Variants in PLEKHA6 observed in about 807,000 individuals in gnomAD.
PLEKHA6 encodes pleckstrin homology domain-containing family A member 6.
A neutral mutation model predicts 116.7 loss-of-function variants in PLEKHA6; 60 were observed. The ratio of observed to expected loss-of-function variants is 0.51; its 90% CI spans 0.42 to 0.64. The LOEUF (loss-of-function observed/expected upper bound fraction) is 0.64, where lower values mean the gene tolerates loss of function less well. Ranked by LOEUF, PLEKHA6 falls within the 30% of genes least tolerant of loss-of-function variation. The pLI is 0.00. For synonymous variants in PLEKHA6, 489 were observed against 556.1 expected, an observed-to-expected ratio of 0.88 and a Z score of 1.70; for missense variants, 1,338 against 1,422.7, an observed-to-expected ratio of 0.94 and a Z score of 0.96.
intron 17 of PLEKHA6, among the ~76,000 whole-genome samples, chr1:204,241,030 C>G (rs924700374): frequency 1.3e-5 from 2 of 152,212 alleles, no homozygotes; most frequent in African/African-American, 4.8e-5. Flanking sequence ...GGAACTCAGA[C>G]TGGCTCTTCT....
intron 1 of PLEKHA6, among the ~76,000 whole-genome samples, chr1:204,279,871 C>T (rs1668417363): frequency 6.6e-6 from 1 of 152,204 alleles, no homozygotes; most frequent in Admixed American, 6.5e-5. Context: ...ACTTCACCAG[C>T]ACAGACACTA....
chr1:204,351,264 C>T (rs1004007567), intron 1 of PLEKHA6, among the ~76,000 whole-genome samples: 2 of 152,172 alleles, frequency 1.3e-5, no homozygotes, highest in Non-Finnish European at 2.9e-5. Flanking sequence ...GGCCACCTTT[C>T]CCTTTGACAT....
At chr1:204,268,692 C>T (rs1667116473) in intron 3 of PLEKHA6, among the ~76,000 whole-genome samples, 1 of 151,614 alleles carries the variant, frequency 6.6e-6, no homozygotes, top group Non-Finnish European at 1.5e-5. Flanking sequence ...GAAGTTAACT[C>T]CCTGCATCCT....
intron 1 of PLEKHA6, among the ~76,000 whole-genome samples, chr1:204,326,351 A>C (rs545839228): frequency 6.6e-6 from 1 of 152,328 alleles, no homozygotes; most frequent in Non-Finnish European, 1.5e-5. Context: ...CAAATGTTCT[A>C]TCAGTGCCCA....
At chr1:204,307,512 A>C (rs1671428326) in intron 1 of PLEKHA6, 1 of 152,176 alleles carries the variant, frequency 6.6e-6, no homozygotes, top group South Asian at 2.1e-4. Flanking sequence ...TTCCAGGAAG[A>C]CTCTGGTGTC....
chr1:204,245,114 A>G, intron 14 of PLEKHA6, 111 bp from the exon 15 acceptor site: 2 of 752,222 alleles, frequency 2.7e-6, no homozygotes, highest in African/African-American at 1.8e-5. Flanking sequence ...GGGATGTGGA[A>G]GGGCAGATTT....
At chr1:204,357,289 C>T (rs1348907845) in intron 1 of PLEKHA6, among the ~76,000 whole-genome samples, 3 of 152,150 alleles carry the variant, frequency 2.0e-5, no homozygotes, top group Admixed American at 6.5e-5. Flanking sequence ...CTGAGGAAGG[C>T]TCATCTGGAT....
intron 1 of PLEKHA6, among the ~76,000 whole-genome samples, chr1:204,285,443 TTTGTTGTTG>T: frequency 6.6e-6 from 1 of 152,000 alleles, no homozygotes; most frequent in African/African-American, 2.4e-5. Flanking sequence ...TTTTGTTGTT[TTTGTTGTTG>T]TTGTTGGTTT....
In PLEKHA6 at chr1:204,256,797, C is replaced by T. The variant is rs759515750; in HGVS notation, c.1524+556G>A. On this transcript the variant is annotated intron_variant, in intron 9 of 22. Coordinates refer to ENST00000272203, the MANE Select transcript of PLEKHA6 (RefSeq NM_014935.5). ...TGAGACAGGTGGAGGGGAGAAAGGA[C>T]GTACCATCTTATCGTGGACCGTGGG... The T allele has an allele frequency of 1.6e-5, 10 of 619,958 alleles. No individual in the cohort carries two copies. The South Asian group carries it at 1.7e-4, about 10-fold the overall frequency. 38.4% of individuals were successfully genotyped at this position (619,958 alleles called of 1,614,324 possible). A position where few individuals can be genotyped will look rare whatever the true frequency, so the allele number is the denominator to read the frequency against.
intron 1 of PLEKHA6, among the ~76,000 whole-genome samples, chr1:204,337,457 G>A (rs1672689232): frequency 6.6e-6 from 1 of 152,160 alleles, no homozygotes; most frequent in Non-Finnish European, 1.5e-5. Flanking sequence ...TTCTGAATGG[G>A]GCTCCTACAT....
Position 204,316,051 on chromosome 1 carries a change from A to G in PLEKHA6, c.-94-41242T>C, listed in dbSNP as rs1362428514. On this transcript the variant is annotated intron_variant, in intron 1 of 22. Coordinates refer to ENST00000272203, the MANE Select transcript of PLEKHA6 (RefSeq NM_014935.5). ...CATAACTAAATGAAGCTGGACGGGT[A>G]TTTGGGGGCCAGACTGTGGAGTCCC... Among the ~76,000 whole-genome samples, 3 of 152,164 alleles carry G rather than the reference A, an allele frequency of 2.0e-5. No homozygotes were observed. In the East Asian group the frequency reaches 5.8e-4, roughly 29 times the overall value.
intron 1 of PLEKHA6, among the ~76,000 whole-genome samples, chr1:204,298,248 TC>T (rs1474688435): frequency 1.3e-5 from 2 of 152,222 alleles, no homozygotes; most frequent in African/African-American, 4.8e-5. Flanking sequence ...GCCTGAGTCT[TC>T]CTTGTGAGCC....
At position 204,219,574 on chromosome 1, in the gene PLEKHA6, C is replaced by T. The variant is rs917955375; in HGVS notation, c.*3214G>A. ...GACCCCCATCTGGGCTCTGTTCATT[C>T]AGAGCAGGATGTTCTAGGCTGGCGA... On this transcript the variant is annotated 3_prime_UTR_variant, in exon 23 of 23. Coordinates refer to ENST00000272203, the MANE Select transcript of PLEKHA6 (RefSeq NM_014935.5). 3 of 152,178 alleles carry T rather than the reference C, an allele frequency of 2.0e-5. No homozygotes were observed. Among genetic ancestry groups the T allele is most frequent in the African/African-American group, 7.2e-5 (3 of 41,440 alleles). 9.4% of individuals were successfully genotyped at this position (152,178 alleles called of 1,614,324 possible).
intron 1 of PLEKHA6, among the ~76,000 whole-genome samples, chr1:204,303,329 T>C (rs937146250): frequency 6.6e-6 from 1 of 152,218 alleles, no homozygotes; most frequent in Non-Finnish European, 1.5e-5. Context: ...TTTAGGAATC[T>C]TAACCACTTT....
intron 1 of PLEKHA6, among the ~76,000 whole-genome samples, chr1:204,296,129 G>A (rs1558153217): frequency 6.6e-6 from 1 of 152,142 alleles, no homozygotes; most frequent in Non-Finnish European, 1.5e-5. Context: ...GGTGGGAGGG[G>A]CGTGGTCCTC....
intron 1 of PLEKHA6, among the ~76,000 whole-genome samples, chr1:204,322,711 C>T (rs1672108239): frequency 1.3e-5 from 2 of 152,204 alleles, no homozygotes; most frequent in South Asian, 4.1e-4. Context: ...CATAATCACA[C>T]TCCTCACACA....
chr1:204,254,762 G>A (rs895860559), intron 9 of PLEKHA6, among the ~76,000 whole-genome samples: 10 of 152,086 alleles, frequency 6.6e-5, no homozygotes, highest in African/African-American at 2.2e-4. Context: ...TGTAGCTGTT[G>A]TTATTATTAT....
At chr1:204,265,068 GGTGTGTGT>G in intron 5 of PLEKHA6, 26 bp from the exon 6 acceptor site, 1 of 1,308,756 alleles carries the variant, frequency 7.6e-7, no homozygotes, top group Non-Finnish European at 1.1e-6. Flanking sequence ...GCACAAGAAG[GGTGTGTGT>G]GTGTGTGTGC....
intron 1 of PLEKHA6, among the ~76,000 whole-genome samples, chr1:204,354,783 T>C (rs1673372184): frequency 6.6e-6 from 1 of 152,194 alleles, no homozygotes; most frequent in African/African-American, 2.4e-5. Flanking sequence ...TTGCGCTACT[T>C]TAGAAAGTGC....
Sources: allele counts gnomAD v4.1 joint callset (sites outside exome capture counted in the v4.1 genomes callset), GRCh38; gene constraint gnomAD v4.1.1; transcripts MANE v1.5; gene names NCBI Gene and HGNC (gene_info 2026-07-23, HGNC 2026-07-21).